The following TOP3A variants were observed in gnomAD, a reference collection of about 807,000 sequenced individuals.
TOP3A encodes the protein DNA topoisomerase III alpha, also known as DNA topoisomerase 3-alpha.
A neutral mutation model predicts 111.3 loss-of-function variants in TOP3A; 64 were observed. That is an observed-to-expected ratio of 0.57 (90% CI 0.47 to 0.71). The LOEUF is 0.71. Ranked by LOEUF, TOP3A falls within the 30% of genes least tolerant of loss-of-function variation. The pLI is 0.00. For missense variants in TOP3A, 1,104 were observed against 1,285.0 expected, an observed-to-expected ratio of 0.86 and a Z score of 2.15; for synonymous variants, 484 against 485.1, an observed-to-expected ratio of 1.00 and a Z score of 0.03.
chr17:18,300,853 T>A (rs146379568), intron 8 of TOP3A, among the ~76,000 whole-genome samples: 3 of 152,136 alleles, frequency 2.0e-5, no homozygotes, highest in Non-Finnish European at 4.4e-5. Flanking sequence ...GAGAGAGAGA[T>A]GGAGAAGGCA....
chr17:18,285,347 G>C, intron 14 of TOP3A, 40 bp from the exon 15 acceptor site: 1 of 1,613,080 alleles, frequency 6.2e-7, no homozygotes, highest in Non-Finnish European at 8.5e-7. Flanking sequence ...GCCCACCTGA[G>C]ACCCTCAGGG....
At chr17:18,295,849 C>G (rs1351712946) in intron 9 of TOP3A, among the ~76,000 whole-genome samples, 2 of 151,390 alleles carry the variant, frequency 1.3e-5, no homozygotes, top group South Asian at 2.1e-4. Context: ...TCACTGTAAG[C>G]TCTGCCTCCT....
In TOP3A at chr17:18,285,286, T is replaced by G. The variant is rs143808897; in HGVS notation, c.1733A>C (p.Glu578Ala). The G allele has an allele frequency of 1.7e-4, 275 of 1,614,052 alleles. No individual in the cohort carries two copies. The highest frequency in any genetic ancestry group is 1.9e-4 in the Non-Finnish European group (222 of 1,180,048). The part of the protein sequence containing the change: ...LVEGYDSMGY[E>A]MSKPDLRAEL... Reference sequence around the variant, plus strand: ...AGCCCGGAGGTCAGGCTTAGACATTTCATAGCCCATGGAATCATAACCTGC... The same window carrying G: ...AGCCCGGAGGTCAGGCTTAGACATTGCATAGCCCATGGAATCATAACCTGC... Residue 578 changes from glutamate (E) to alanine (A), a missense_variant, in exon 15 of 19, where the codon GAA becomes GCA. Coordinates refer to ENST00000321105, the MANE Select transcript of TOP3A (RefSeq NM_004618.5).
Position 18,273,598 on chromosome 17 carries a change from CGCA to C in TOP3A, c.*1201_*1203del, listed in dbSNP as rs560585944. On this transcript the variant is annotated 3_prime_UTR_variant, in exon 19 of 19. Transcript: ENST00000321105. Reference sequence around the variant, plus strand: ...ATGTTCCCCAGACCCTCTGCACTCTCGCAGGTCAGAGTAAAAAAAGGTTGGATT... The same window carrying C: ...ATGTTCCCCAGACCCTCTGCACTCTCGGTCAGAGTAAAAAAAGGTTGGATT... Among the ~76,000 whole-genome samples, 46 of 152,230 alleles carry C rather than the reference CGCA, an allele frequency of 3.0e-4. No homozygotes were observed. Among genetic ancestry groups the C allele is most frequent in the African/African-American group, 1.1e-3 (44 of 41,532 alleles).
chr17:18,311,312 G>T (rs1036175365), intron 1 of TOP3A, among the ~76,000 whole-genome samples: 6 of 149,760 alleles, frequency 4.0e-5, no homozygotes, highest in African/African-American at 1.5e-4. Context: ...ATTTTTTTTT[G>T]AGATGGAGTC....
chr17:18,305,486 A>ACACACGCGCGCGCG (rs1164323613), intron 4 of TOP3A, among the ~76,000 whole-genome samples: 24 of 149,512 alleles, frequency 1.6e-4, no homozygotes, highest in Middle Eastern at 3.5e-3. Flanking sequence ...ACACACACAC[A>ACACACGCGCGCGCG]CGCGCGCGCG....
chr17:18,312,116 A>T (rs951973180), intron 1 of TOP3A: 3 of 152,318 alleles, frequency 2.0e-5, no homozygotes, highest in African/African-American at 7.2e-5. Context: ...TAAGTGGCTG[A>T]TGTGCCACCT....
At position 18,273,522 on chromosome 17, in the gene TOP3A, C is replaced by T. The variant is rs965867088; in HGVS notation, c.*1280G>A. On this transcript the variant is annotated 3_prime_UTR_variant, in exon 19 of 19. Transcript: ENST00000321105. Reference sequence around the variant, plus strand: ...CATGAAGGACAGAGGCTGACGAGACCTCCCAGGGTGAGCTCCTTCCAGCAC... The same window carrying T: ...CATGAAGGACAGAGGCTGACGAGACTTCCCAGGGTGAGCTCCTTCCAGCAC... 1.3e-5 allele frequency among the ~76,000 whole-genome samples: 2 copies of T among 152,336 alleles called. No individual in the cohort carries two copies. The highest frequency in any genetic ancestry group is 4.1e-4 in the South Asian group (2 of 4,834).
At chr17:18,296,366 G>A (rs1166579407) in intron 9 of TOP3A, among the ~76,000 whole-genome samples, 1 of 152,078 alleles carries the variant, frequency 6.6e-6, no homozygotes, top group African/African-American at 2.4e-5. Flanking sequence ...CGGATCACAA[G>A]TTCAATAGAT....
Position 18,278,243 on chromosome 17 carries a change from T to G in TOP3A, c.2259A>C (p.Ser753=), listed in dbSNP as rs544407214. The part of the protein sequence containing the change: ...TLREILDLRF[S]GGPPRASQPS... Reference sequence around the variant, plus strand: ...GCTGGCTAGCCCTGGGGGGGCCCCCTGAAAATCTCAGGTCCAGGATCTCCC... The same window carrying G: ...GCTGGCTAGCCCTGGGGGGGCCCCCGGAAAATCTCAGGTCCAGGATCTCCC... The change falls in exon 18 of 19, where the codon TCA becomes TCC. Residue 753 remains serine, a synonymous_variant. Transcript: ENST00000321105. 17 of 1,572,334 alleles carry G rather than the reference T, an allele frequency of 1.1e-5. No homozygotes were observed. The highest frequency in any genetic ancestry group is 1.4e-5 in the Non-Finnish European group (16 of 1,158,004).
At chr17:18,283,402 G>T (rs569170664) in intron 15 of TOP3A, among the ~76,000 whole-genome samples, 1 of 152,096 alleles carries the variant, frequency 6.6e-6, no homozygotes, top group African/African-American at 2.4e-5. Context: ...CAGGGTCCAT[G>T]TACAAACTCC....
chr17:18,275,275 C>G (rs1005212675), intron 18 of TOP3A, among the ~76,000 whole-genome samples: 3 of 110,634 alleles, frequency 2.7e-5, no homozygotes, highest in Non-Finnish European at 5.0e-5. Flanking sequence ...GCCTGGGCAA[C>G]AGAGCAAGAC....
intron 4 of TOP3A, among the ~76,000 whole-genome samples, chr17:18,305,631 G>A (rs1981532801): frequency 6.6e-6 from 1 of 152,112 alleles, no homozygotes; most frequent in Non-Finnish European, 1.5e-5. Flanking sequence ...GAGGTCAGGA[G>A]ATCGAGACCA....
intron 1 of TOP3A, among the ~76,000 whole-genome samples, chr17:18,311,337 A>G (rs1169303858): frequency 1.3e-5 from 2 of 151,724 alleles, no homozygotes; most frequent in Non-Finnish European, 2.9e-5. Context: ...TCTGTCGCCC[A>G]GGCTGTAATG....
At chr17:18,305,263 A>C (rs765818917) in intron 4 of TOP3A, 43 bp from the exon 5 acceptor site, 8 of 1,491,910 alleles carry the variant, frequency 5.4e-6, no homozygotes, top group Non-Finnish European at 7.5e-6. Context: ...ACAGAATTGC[A>C]CAACAGTGAC....
chr17:18,289,754 G>T (rs1980352286), intron 13 of TOP3A, among the ~76,000 whole-genome samples: 1 of 152,198 alleles, frequency 6.6e-6, no homozygotes, highest in South Asian at 2.1e-4. Context: ...ACCTAAACCT[G>T]CAGGGTTTCT....
Position 18,290,631 on chromosome 17 carries a change from A to G in TOP3A, c.1523T>C (p.Val508Ala). The G allele has an allele frequency of 6.2e-7, 1 of 1,611,542 alleles. No individual in the cohort carries two copies. The highest frequency in any genetic ancestry group is 8.5e-7 in the Non-Finnish European group (1 of 1,178,420). Residue 508 changes from valine to alanine, a missense_variant, in exon 13 of 19, where the codon GTG becomes GCG. Physicochemically the swap from Val to Ala is moderately conservative, Grantham distance 64. Transcript: ENST00000321105. ...CTTGGGTGGGCTGGTCTCCCCGTCC[A>G]CCATCTCCACGGTGCTGGGCTGAAA... Reference protein sequence around the residue: ...SHFQPSTVEMVDGETSPPKLL... With the variant: ...SHFQPSTVEMADGETSPPKLL...
intron 18 of TOP3A, among the ~76,000 whole-genome samples, chr17:18,277,196 A>G (rs1979430391): frequency 6.6e-6 from 1 of 151,744 alleles, no homozygotes; most frequent in Admixed American, 6.6e-5. Context: ...AAAAAAAAAA[A>G]AAAAAAAAAA....
In TOP3A at chr17:18,301,920, T is replaced by C. The variant is rs1179138250; in HGVS notation, c.880A>G (p.Thr294Ala). Reference sequence around the variant, plus strand: ...AACTGATAGAGAACTAGGCAAGCCGTGTGGTTAAAGAGTCGATGCCTTTTC... The same window carrying C: ...AACTGATAGAGAACTAGGCAAGCCGCGTGGTTAAAGAGTCGATGCCTTTTC... The part of the protein sequence containing the change: ...NWKRHRLFNH[T>A]ACLVLYQLCV... Residue 294 changes from threonine (T) to alanine (A), a missense_variant, in exon 8 of 19, where the codon ACG (threonine) becomes GCG (alanine). Coordinates refer to ENST00000321105, the MANE Select transcript of TOP3A (RefSeq NM_004618.5). 6.2e-7 allele frequency: 1 copy of C among 1,614,154 alleles called. No individual in the cohort carries two copies. The highest frequency in any genetic ancestry group is 1.1e-5 in the South Asian group (1 of 91,084).
Sources: gnomAD v4.1 joint callset for allele counts (sites outside exome capture counted in the v4.1 genomes callset) on GRCh38, gnomAD v4.1.1 for gene constraint, MANE v1.5 for transcripts, NCBI Gene and HGNC (gene_info 2026-07-23, HGNC 2026-07-21) for gene names.